Variants in MYO16 observed in about 807,000 individuals in gnomAD.
MYO16 encodes the protein unconventional myosin-XVI.
In MYO16, 94 loss-of-function variants were observed where a neutral mutation model predicts 205.3. The observed-to-expected ratio is 0.46, with a 90% CI of 0.39 to 0.54. The LOEUF (loss-of-function observed/expected upper bound fraction) is 0.54. Ranked by LOEUF, MYO16 falls within the 20% of genes least tolerant of loss-of-function variation. The pLI, the probability that MYO16 is intolerant of heterozygous loss-of-function variation, is 0.00. For missense variants in MYO16, 2,315 were observed against 2,387.5 expected, an observed-to-expected ratio of 0.97 and a Z score of 0.63; for synonymous variants, 988 against 954.0, an observed-to-expected ratio of 1.04 and a Z score of -0.66.
chr13:109,091,713 C>G (rs929043376), intron 27 of MYO16, among the ~76,000 whole-genome samples: 1 of 152,210 alleles, frequency 6.6e-6, no homozygotes, highest in African/African-American at 2.4e-5. Context: ...TCACCACTCT[C>G]TTTCTCTGCC....
At chr13:108,849,193 T>C (rs1415097687) in intron 10 of MYO16, among the ~76,000 whole-genome samples, 1 of 152,176 alleles carries the variant, frequency 6.6e-6, no homozygotes, top group Non-Finnish European at 1.5e-5. Context: ...GTTTTTGTTT[T>C]TGTTTTTGTT....
intron 1 of MYO16, among the ~76,000 whole-genome samples, chr13:108,602,900 G>A (rs1352290345): frequency 2.0e-5 from 3 of 152,132 alleles, no homozygotes; most frequent in Non-Finnish European, 2.9e-5. Flanking sequence ...AGTGGAACAG[G>A]TATGGAAAAG....
chr13:108,517,179 C>T, the MYO16 span, among the ~76,000 whole-genome samples: 1 of 152,156 alleles, frequency 6.6e-6, no homozygotes, highest in African/African-American at 2.4e-5. Context: ...ATTCTCTCAT[C>T]TTGGCCTTCC....
chr13:108,793,500 C>T lies in MYO16; in HGVS notation c.617-16C>T, dbSNP rs201117020. 1.6e-3 allele frequency: 2,568 copies of T among 1,611,772 alleles called. 3 individuals carry two copies. The highest frequency in any genetic ancestry group is 2.0e-3 in the Non-Finnish European group (2,314 of 1,178,674). ...GTATCTCTCCATTCTGGTTGAAAGG[C>T]TCTTTCTCCCCACAGGAGTGGATTT... On this transcript the variant is annotated splice_polypyrimidine_tract_variant and intron_variant, in intron 5 of 34. Transcript: ENST00000457511.
rs1473856135 is a variant in MYO16 at position 108,957,710 on chromosome 13, G to A, written c.1948G>A (p.Asp650Asn). Residue 650 changes from aspartate to asparagine, a missense_variant, in exon 17 of 35, where the codon GAT (aspartate) becomes AAT (asparagine). Asp to Asn is a conservative substitution (Grantham distance 23, BLOSUM62 1). Around this residue, in one of 3 missense-constraint regions of MYO16, gnomAD observed 1,213 missense variants for 1,274.4 expected, o/e 0.95. Coordinates refer to ENST00000457511, the MANE Select transcript of MYO16 (RefSeq NM_001198950.3). Reference sequence around the variant, plus strand: ...CAGGTATTTGAACCAGACCATACAGGATGATGCATCCACAGGGGAGCGTTC... The same window carrying A: ...CAGGTATTTGAACCAGACCATACAGAATGATGCATCCACAGGGGAGCGTTC... ...AHRYLNQTIQ[D>N]DASTGERSLN... 6.2e-7 allele frequency: 1 copy of A among 1,613,038 alleles called. No homozygotes were observed. The highest frequency in any genetic ancestry group is 1.3e-5 in the African/African-American group (1 of 74,904).
chr13:108,945,985 T>C (rs368026017), intron 16 of MYO16, among the ~76,000 whole-genome samples: 5 of 152,332 alleles, frequency 3.3e-5, no homozygotes, highest in African/African-American at 1.2e-4. Flanking sequence ...CTGAGCTGTG[T>C]ACCTGGAAGG....
chr13:108,545,030 G>A, the MYO16 span, among the ~76,000 whole-genome samples: 137 of 151,554 alleles, frequency 9.0e-4, no homozygotes, highest in African/African-American at 3.1e-3. Flanking sequence ...TTAGGTTCAG[G>A]GGTACATGTA....
At chr13:108,727,375 A>G in intron 3 of MYO16, 65 bp from the exon 4 acceptor site, 1 of 1,504,890 alleles carries the variant, frequency 6.6e-7, no homozygotes. Context: ...AAATCTGTGG[A>G]CATTTGGAAT....
At chr13:108,909,066 A>G (rs1264135472) in intron 15 of MYO16, among the ~76,000 whole-genome samples, 2 of 152,086 alleles carry the variant, frequency 1.3e-5, no homozygotes, top group East Asian at 3.8e-4. Flanking sequence ...AAATAAACCT[A>G]TATTAATATT....
At chr13:108,686,796 G>A (rs555986688) in intron 2 of MYO16, among the ~76,000 whole-genome samples, 2 of 152,338 alleles carry the variant, frequency 1.3e-5, no homozygotes, top group South Asian at 2.1e-4. Context: ...GATGTTCAGC[G>A]GCCTGAGGAC....
chr13:109,181,117 G>T lies in MYO16; in HGVS notation c.5415+1484G>T, dbSNP rs145340510. ...CTTTGTGACTTTTCCTCTGTGTTTG[G>T]CTAAGAATCAAAGAGAGATGAGAAA... On this transcript the variant is annotated intron_variant, in intron 34 of 34. Transcript: ENST00000457511. 3.6e-3 allele frequency among the ~76,000 whole-genome samples: 551 copies of T among 152,338 alleles called. 4 individuals are homozygous for T. Among genetic ancestry groups the T allele is most frequent in the African/African-American group, 0.012 (507 of 41,580 alleles).
the MYO16 span, among the ~76,000 whole-genome samples, chr13:108,546,867 G>A: frequency 3.3e-5 from 5 of 152,156 alleles, no homozygotes; most frequent in Non-Finnish European, 7.3e-5. Context: ...TCACTGCAGA[G>A]AAAATCATAT....
chr13:108,605,259 T>G lies in MYO16; in HGVS notation c.-39+9020T>G, dbSNP rs184040103. 4.2e-3 allele frequency among the ~76,000 whole-genome samples: 642 copies of G among 152,330 alleles called. 2 individuals are homozygous for G. Among genetic ancestry groups the G allele is most frequent in the Admixed American group, 4.8e-3 (73 of 15,304 alleles). ...GTGCCAAAAATGTAATTAGCACTGCTTTTAAGGAGCCCATCTTAGTAATCT... is the reference window on the plus strand; with the variant it reads ...GTGCCAAAAATGTAATTAGCACTGCGTTTAAGGAGCCCATCTTAGTAATCT... On this transcript the variant is annotated intron_variant, in intron 1 of 24. Transcript: ENST00000251041.
the MYO16 span, among the ~76,000 whole-genome samples, chr13:108,569,782 T>G: frequency 2.0e-5 from 3 of 152,208 alleles, no homozygotes; most frequent in African/African-American, 7.2e-5. Flanking sequence ...CTCTGGGTTT[T>G]GTGTAGATGT....
At chr13:108,572,775 T>A in the MYO16 span, among the ~76,000 whole-genome samples, 1 of 152,224 alleles carries the variant, frequency 6.6e-6, no homozygotes, top group Non-Finnish European at 1.5e-5. Flanking sequence ...TCTATCGGTA[T>A]ATTTGAAAAT....
At chr13:109,189,690 G>A (rs1236970830) in intron 34 of MYO16, among the ~76,000 whole-genome samples, 1 of 151,830 alleles carries the variant, frequency 6.6e-6, no homozygotes, top group African/African-American at 2.4e-5. Flanking sequence ...AAAATAGTGG[G>A]GAAAAAAAAT....
intron 1 of MYO16, among the ~76,000 whole-genome samples, chr13:108,645,242 A>C (rs372301848): frequency 5.3e-5 from 8 of 152,326 alleles, no homozygotes; most frequent in African/African-American, 1.4e-4. Context: ...ACACATTTTC[A>C]TGCTACTTAC....
At chr13:108,717,502 C>T (rs950576313) in intron 3 of MYO16, among the ~76,000 whole-genome samples, 6 of 151,602 alleles carry the variant, frequency 4.0e-5, no homozygotes, top group Middle Eastern at 3.4e-3. Context: ...TGGTGGTGGG[C>T]GCCTGTAATC....
At chr13:109,174,732 C>T (rs1206550701) in intron 33 of MYO16, among the ~76,000 whole-genome samples, 1 of 148,722 alleles carries the variant, frequency 6.7e-6, no homozygotes. Context: ...AAGTCTCTTT[C>T]TCATTCTTGT....
Sources: allele counts gnomAD v4.1 joint callset (sites outside exome capture counted in the v4.1 genomes callset), GRCh38; gene constraint gnomAD v4.1.1; regional missense constraint gnomAD v4.1.1; transcripts MANE v1.5; gene names NCBI Gene and HGNC (gene_info 2026-07-23, HGNC 2026-07-21).